ABCC1: variants seen among roughly 807,000 people sequenced by gnomAD.
ABCC1 encodes the protein ATP binding cassette subfamily C member 1 (ABCC1 blood group).
A neutral mutation model predicts 172.9 loss-of-function variants in ABCC1; 83 were observed. That is an observed-to-expected ratio of 0.48 (90% CI 0.40 to 0.58). The LOEUF (loss-of-function observed/expected upper bound fraction) is 0.58, where lower values mean the gene tolerates loss of function less well. Ranked by LOEUF, ABCC1 falls within the 20% of genes least tolerant of loss-of-function variation. ABCC1 has a pLI of 0.00. For synonymous variants in ABCC1, 937 were observed against 825.2 expected, an observed-to-expected ratio of 1.14 and a Z score of -2.32; for missense variants, 1,817 against 2,002.7, an observed-to-expected ratio of 0.91 and a Z score of 1.77.
At chr16:16,044,787 C>T (rs1206566869) in intron 8 of ABCC1, 107 bp downstream of exon 8, 8 of 995,556 alleles carry the variant, frequency 8.0e-6, no homozygotes, top group African/African-American at 3.3e-5. Flanking sequence ...GAAGTGGGCT[C>T]ATAGCCAGAT....
chr16:16,036,376 G>GC, intron 6 of ABCC1, 96 bp from the exon 7 acceptor site: 2 of 1,179,490 alleles, frequency 1.7e-6, no homozygotes, highest in Non-Finnish European at 2.4e-6. Flanking sequence ...GCAGAGGGGA[G>GC]CAGCATCAGC....
At chr16:16,133,709 T>C (rs2045800030) in intron 27 of ABCC1, among the ~76,000 whole-genome samples, 1 of 152,158 alleles carries the variant, frequency 6.6e-6, no homozygotes, top group South Asian at 2.1e-4. Context: ...CCAGCCCTTG[T>C]TGAGTCTTTA....
intron 16 of ABCC1, among the ~76,000 whole-genome samples, chr16:16,082,989 G>A (rs1235486394): frequency 1.3e-5 from 2 of 152,086 alleles, no homozygotes; most frequent in African/African-American, 2.4e-5. Context: ...TTTTATCTTT[G>A]CGTCCACCGT....
chr16:16,006,006 TA>T (rs1224545323), intron 1 of ABCC1, among the ~76,000 whole-genome samples: 1 of 143,400 alleles, frequency 7.0e-6, no homozygotes, highest in African/African-American at 2.9e-5. Flanking sequence ...AAAAAAAAAA[TA>T]AAAATAAAAA....
chr16:16,132,086 G>T, intron 27 of ABCC1, 151 bp downstream of exon 27: 2 of 986,174 alleles, frequency 2.0e-6, no homozygotes, highest in Non-Finnish European at 3.0e-6. Flanking sequence ...GTGGACTGTG[G>T]CAGTAAAAGC....
intron 26 of ABCC1, among the ~76,000 whole-genome samples, chr16:16,128,389 T>C (rs1364669332): frequency 6.6e-6 from 1 of 152,022 alleles, no homozygotes; most frequent in Non-Finnish European, 1.5e-5. Flanking sequence ...GACCTCGTGA[T>C]CCACCCGCCT....
intron 1 of ABCC1, among the ~76,000 whole-genome samples, chr16:15,984,615 T>G (rs2046702968): frequency 1.3e-5 from 2 of 151,990 alleles, no homozygotes; most frequent in African/African-American, 4.8e-5. Flanking sequence ...CAGCTAATTT[T>G]TGGTATCTTT....
At chr16:16,010,159 T>TCCTAC (rs982748044) in intron 3 of ABCC1, among the ~76,000 whole-genome samples, 6 of 144,746 alleles carry the variant, frequency 4.1e-5, no homozygotes, top group Non-Finnish European at 9.0e-5. Context: ...TCCTCCTACC[T>TCCTAC]CAGACTTCTG....
chr16:16,114,854 C>T lies in ABCC1; in HGVS notation c.3168C>T (p.Ile1056=), dbSNP rs781516658. 1.2e-6 allele frequency: 2 copies of T among 1,614,016 alleles called. No homozygotes were observed. The highest frequency in any genetic ancestry group is 1.7e-6 in the Non-Finnish European group (2 of 1,179,962). ...RCLHVDLLHS[I]LRSPMSFFER... ...TGCACGTGGACCTGCTGCACAGCAT[C>T]CTGCGGTCACCCATGAGCTTCTTTG... The change falls in exon 23 of 31, where the codon ATC becomes ATT. Residue 1056 remains isoleucine (I), a synonymous_variant. Transcript: ENST00000399410.
intron 1 of ABCC1, among the ~76,000 whole-genome samples, chr16:15,974,389 A>C (rs11311843): frequency 0.86 from 129,984 of 151,690 alleles, 55,945 homozygotes; most frequent in African/African-American, 0.91. Flanking sequence ...TGATGCTCAG[A>C]CCCCCATTAA....
chr16:16,066,161 A>C (rs1309310571), intron 12 of ABCC1, among the ~76,000 whole-genome samples: 1 of 151,978 alleles, frequency 6.6e-6, no homozygotes, highest in Non-Finnish European at 1.5e-5. Context: ...AATGGAATCA[A>C]ACAACAGGTG....
Position 16,114,954 on chromosome 16 carries a change from G to A in ABCC1, c.3268G>A (p.Val1090Ile). The part of the protein sequence containing the change: ...LDTVDSMIPE[V>I]IKMFMGSLFN... ...CACAGTGGACTCCATGATCCCGGAG[G>A]TCATCAAGATGTTCATGGGCTCCCT... Residue 1090 changes from valine to isoleucine, a missense_variant, in exon 23 of 31, where the codon GTC (valine) becomes ATC (isoleucine). Physicochemically the swap from Val to Ile is conservative, Grantham distance 29. Transcript: ENST00000399410. The A allele has an allele frequency of 6.2e-7, 1 of 1,614,168 alleles. No individual in the cohort carries two copies. Among genetic ancestry groups the A allele is most frequent in the African/African-American group, 1.3e-5 (1 of 75,060 alleles).
intron 1 of ABCC1, among the ~76,000 whole-genome samples, chr16:15,993,396 C>T (rs895109268): frequency 6.6e-6 from 1 of 152,186 alleles, no homozygotes; most frequent in African/African-American, 2.4e-5. Flanking sequence ...GAATTAGTCC[C>T]ATTTCACAGA....
chr16:16,121,929 C>G, intron 23 of ABCC1, 46 bp from the exon 24 acceptor site: 1 of 1,597,780 alleles, frequency 6.3e-7, no homozygotes. Flanking sequence ...GGGAGGATGG[C>G]AGGAGGGAAC....
intron 21 of ABCC1, among the ~76,000 whole-genome samples, chr16:16,110,660 A>T (rs1312341606): frequency 6.6e-6 from 1 of 152,178 alleles, no homozygotes; most frequent in Non-Finnish European, 1.5e-5. Context: ...ACGTGCTGGG[A>T]TCACAGGCAT....
intron 27 of ABCC1, among the ~76,000 whole-genome samples, chr16:16,132,670 C>T (rs964346018): frequency 2.6e-5 from 4 of 151,362 alleles, no homozygotes; most frequent in South Asian, 2.1e-4. Flanking sequence ...TACAGGCATG[C>T]GCCACCATGC....
At chr16:16,021,810 C>T (rs559784070) in intron 5 of ABCC1, among the ~76,000 whole-genome samples, 9 of 152,258 alleles carry the variant, frequency 5.9e-5, no homozygotes, top group Middle Eastern at 3.4e-3. Flanking sequence ...GGGTAGGAAC[C>T]AGGTCCTGTG....
chr16:15,949,888 C>A, intron 1 of ABCC1, 89 bp downstream of exon 1: 2 of 1,081,780 alleles, frequency 1.8e-6, no homozygotes, highest in East Asian at 4.0e-5. Context: ...CCGGGGCACC[C>A]CGCTCCCCGC....
upstream of ABCC1, chr16:15,949,559 C>T (rs968505079): frequency 6.1e-6 from 1 of 163,074 alleles, no homozygotes; most frequent in Non-Finnish European, 1.2e-5. Flanking sequence ...CGCCGCATCC[C>T]CGTGACGCGC....
Sources: allele counts gnomAD v4.1 joint callset (sites outside exome capture counted in the v4.1 genomes callset), GRCh38; gene constraint gnomAD v4.1.1; transcripts MANE v1.5; gene names NCBI Gene and HGNC (gene_info 2026-07-23, HGNC 2026-07-21).